The following IL4 variants were observed in gnomAD, a reference collection of about 807,000 sequenced individuals.
IL4 encodes interleukin-4.
IL4 carries 10 observed loss-of-function variants against 17.4 expected under a neutral mutation model. That is an observed-to-expected ratio of 0.57 (90% CI 0.35 to 0.97). The LOEUF (loss-of-function observed/expected upper bound fraction) is 0.97. IL4 is among the 50% of genes least tolerant of loss of function. The pLI is 0.01. For synonymous variants in IL4, 87 were observed against 79.0 expected, an observed-to-expected ratio of 1.10 and a Z score of -0.54; for missense variants, 174 against 187.7, an observed-to-expected ratio of 0.93 and a Z score of 0.43.
intron 2 of IL4, among the ~76,000 whole-genome samples, chr5:132,676,671 A>G (rs900769350): frequency 6.6e-6 from 1 of 152,194 alleles, no homozygotes; most frequent in Admixed American, 6.5e-5. Context: ...TCGAAGATTC[A>G]GCACTGCTTA....
chr5:132,678,065 C>T (rs1278893505), intron 2 of IL4, among the ~76,000 whole-genome samples: 1 of 152,252 alleles, frequency 6.6e-6, no homozygotes, highest in Non-Finnish European at 1.5e-5. Context: ...ATTCTGGTGC[C>T]TCAGTCTGGG....
chr5:132,679,931 C>G (rs774615173), intron 3 of IL4, 41 bp downstream of exon 3: 4 of 1,550,250 alleles, frequency 2.6e-6, no homozygotes, highest in East Asian at 2.3e-5. Context: ...CCGCGTGGCT[C>G]CTGGTGGACA....
intron 2 of IL4, among the ~76,000 whole-genome samples, chr5:132,679,088 T>A (rs1752435515): frequency 6.6e-6 from 1 of 152,232 alleles, no homozygotes; most frequent in African/African-American, 2.4e-5. Flanking sequence ...CTTTCCCTGA[T>A]CTGTGCACTT....
Position 132,679,844 on chromosome 5 carries a change from G to C in IL4, c.314G>C (p.Arg105Pro), listed in dbSNP as rs539263445. 1 of 1,613,874 alleles carries C rather than the reference G, an allele frequency of 6.2e-7. No individual in the cohort carries two copies. Among genetic ancestry groups the C allele is most frequent in the Non-Finnish European group, 8.5e-7 (1 of 1,179,936 alleles). Residue 105 changes from arginine (R) to proline (P), a missense_variant, in exon 3 of 4, where the codon CGA (arginine) becomes CCA (proline). Coordinates refer to ENST00000231449, the MANE Select transcript of IL4 (RefSeq NM_000589.4). ...TTCCACAGGCACAAGCAGCTGATCC[G>C]ATTCCTGAAACGGCTCGACAGGAAC... is the stretch of plus-strand genomic sequence containing the variant. ...QQFHRHKQLI[R>P]FLKRLDRNLW...
In IL4 at chr5:132,682,541, G is replaced by C; in HGVS notation, c.416G>C (p.Arg139Thr). ...NQSTLENFLE[R>T]LKTIMREKYS... ...AGTACGTTGGAAAACTTCTTGGAAA[G>C]GCTAAAGACGATCATGAGAGAGAAA... The change falls in exon 4 of 4, where the codon AGG becomes ACG. Residue 139 changes from arginine (R) to threonine (T), a missense_variant. By Grantham distance (71) the Arg-to-Thr change is moderately conservative. Transcript: ENST00000231449. 1 of 1,612,090 alleles carries C rather than the reference G, an allele frequency of 6.2e-7. No individual in the cohort carries two copies. Among genetic ancestry groups the C allele is most frequent in the East Asian group, 2.2e-5 (1 of 44,816 alleles).
At chr5:132,676,192 G>T (rs1004988394) in intron 2 of IL4, among the ~76,000 whole-genome samples, 4 of 152,144 alleles carry the variant, frequency 2.6e-5, no homozygotes, top group African/African-American at 7.2e-5. Flanking sequence ...TGTGTGGCTG[G>T]CCTTCAGCAC....
At chr5:132,678,707 A>G (rs1360516941) in intron 2 of IL4, among the ~76,000 whole-genome samples, 5 of 152,174 alleles carry the variant, frequency 3.3e-5, no homozygotes, top group Admixed American at 6.5e-5. Flanking sequence ...GGACCAGAGC[A>G]TGTCGGGGGA....
intron 2 of IL4, among the ~76,000 whole-genome samples, chr5:132,676,045 G>A (rs2243255): frequency 0.039 from 5,913 of 151,242 alleles, 364 homozygotes; most frequent in African/African-American, 0.14. Flanking sequence ...GGAGGCCTGT[G>A]GCACTGCTGA....
chr5:132,678,242 C>T (rs71645913), intron 2 of IL4, among the ~76,000 whole-genome samples: 4 of 152,228 alleles, frequency 2.6e-5, no homozygotes, highest in Non-Finnish European at 5.9e-5. Context: ...TACCACTGTG[C>T]AATGCGTTTC....
In IL4 at chr5:132,679,805, C is replaced by G; in HGVS notation, c.275C>G (p.Ala92Gly). ...HHEKDTRCLG[A>G]TAQQFHRHKQ... ...GAGAAGGACACTCGCTGCCTGGGTG[C>G]GACTGCACAGCAGTTCCACAGGCAC... The change falls in exon 3 of 4, where the codon GCG becomes GGG. Residue 92 changes from alanine (A) to glycine (G), a missense_variant. Coordinates refer to ENST00000231449, the MANE Select transcript of IL4 (RefSeq NM_000589.4). 1.9e-6 allele frequency: 3 copies of G among 1,613,928 alleles called. No individual in the cohort carries two copies. The highest frequency in any genetic ancestry group is 2.5e-6 in the Non-Finnish European group (3 of 1,179,878).
intron 2 of IL4, among the ~76,000 whole-genome samples, chr5:132,678,713 G>A (rs1424335176): frequency 1.3e-5 from 2 of 152,126 alleles, no homozygotes; most frequent in Non-Finnish European, 2.9e-5. Flanking sequence ...GAGCATGTCG[G>A]GGGAGAGGCT....
At chr5:132,677,211 T>C (rs1435567528) in intron 2 of IL4, among the ~76,000 whole-genome samples, 2 of 152,216 alleles carry the variant, frequency 1.3e-5, no homozygotes, top group African/African-American at 2.4e-5. Context: ...TGGTCCTCAG[T>C]GAGGCTGGTC....
chr5:132,681,784 C>T (rs143749072), intron 3 of IL4, among the ~76,000 whole-genome samples: 294 of 152,224 alleles, frequency 1.9e-3, no homozygotes, highest in Non-Finnish European at 3.0e-3. Flanking sequence ...CATGTATCCC[C>T]TCTCTGGGCC....
At chr5:132,679,611 C>T (rs1023884601) in intron 2 of IL4, 103 bp from the exon 3 acceptor site, 18 of 1,022,670 alleles carry the variant, frequency 1.8e-5, no homozygotes, top group Non-Finnish European at 2.6e-5. Context: ...AGCAAACTCA[C>T]CTCCATTTGT....
At chr5:132,674,417 G>A in intron 1 of IL4, 42 bp from the exon 2 acceptor site, 2 of 1,600,568 alleles carry the variant, frequency 1.2e-6, no homozygotes, top group Non-Finnish European at 8.6e-7. Context: ...CCGGTTGGAG[G>A]TTAACTCTGT....
chr5:132,678,163 A>G (rs373556481), intron 2 of IL4, among the ~76,000 whole-genome samples: 4 of 152,246 alleles, frequency 2.6e-5, no homozygotes, highest in Non-Finnish European at 1.5e-5. Flanking sequence ...AAAGATTTCT[A>G]TAGTTTACTC....
At chr5:132,676,237 G>A (rs950507020) in intron 2 of IL4, among the ~76,000 whole-genome samples, 1 of 152,134 alleles carries the variant, frequency 6.6e-6, no homozygotes, top group African/African-American at 2.4e-5. Context: ...GTTTCCACAT[G>A]TGAAGATATG....
chr5:132,679,607 C>A, intron 2 of IL4, 107 bp from the exon 3 acceptor site: 1 of 987,270 alleles, frequency 1.0e-6, no homozygotes, highest in Non-Finnish European at 1.5e-6. Flanking sequence ...GTTGAGCAAA[C>A]TCACCTCCAT....
chr5:132,682,251 C>T (rs1262650932), intron 3 of IL4, among the ~76,000 whole-genome samples: 3 of 152,102 alleles, frequency 2.0e-5, no homozygotes, highest in African/African-American at 7.2e-5. Context: ...CCACCCACCC[C>T]AAAAGCAGAT....
Sources: gnomAD v4.1 joint callset for allele counts (sites outside exome capture counted in the v4.1 genomes callset) on GRCh38, gnomAD v4.1.1 for gene constraint, MANE v1.5 for transcripts, NCBI Gene and HGNC (gene_info 2026-07-23, HGNC 2026-07-21) for gene names.